The following WEE1 variants were observed in gnomAD, a reference collection of about 807,000 sequenced individuals.
WEE1 encodes the protein wee1-like protein kinase.
Under a neutral mutation model 68.8 loss-of-function variants are expected in WEE1, and 16 were observed. The ratio of observed to expected loss-of-function variants is 0.23; its 90% confidence interval spans 0.16 to 0.35. The LOEUF is 0.35. Among genes scored for constraint, WEE1 ranks in the 10% least tolerant of loss-of-function variants. The probability of loss-of-function intolerance (pLI) is 1.00; values close to 1 mark genes in which losing one functional copy is unlikely to be tolerated. For synonymous variants in WEE1, 349 were observed against 318.7 expected (o/e 1.09, Z -1.01); for missense variants, 651 against 824.1 (o/e 0.79, Z 2.57).
At chr11:9,588,139 C>T (rs1156872710) in intron 10 of WEE1, among the ~76,000 whole-genome samples, 2 of 152,012 alleles carry the variant, frequency 1.3e-5, no homozygotes, top group Non-Finnish European at 2.9e-5. Context: ...CTCAGCTTCC[C>T]GAGTAGCTGA....
chr11:9,582,613 C>T (rs983365539), intron 6 of WEE1, among the ~76,000 whole-genome samples: 1 of 152,174 alleles, frequency 6.6e-6, no homozygotes, highest in Non-Finnish European at 1.5e-5. Context: ...GTTGCCCAGG[C>T]TGGAGTGCAG....
chr11:9,577,283 T>C lies in WEE1; in HGVS notation c.1141+20T>C, dbSNP rs1420039617. 1 of 1,602,902 alleles carries C rather than the reference T, an allele frequency of 6.2e-7. No homozygotes were observed. Among genetic ancestry groups the C allele is most frequent in the East Asian group, 2.2e-5 (1 of 44,722 alleles). On this transcript the variant is annotated intron_variant, in intron 5 of 10. Transcript: ENST00000450114. ...GTAATGGTGAGTGATGTAATGGTTT[T>C]CTTGTGAGCTTGAGAAAATGAACAT...
At chr11:9,577,737 C>T (rs1038624005) in intron 5 of WEE1, 5 of 346,382 alleles carry the variant, frequency 1.4e-5, no homozygotes, top group Admixed American at 8.2e-5. Flanking sequence ...CCTACTCCCA[C>T]GTATCCAACC....
Position 9,586,434 on chromosome 11 carries a change from G to T in WEE1, c.1471-15G>T. On this transcript the variant is annotated splice_polypyrimidine_tract_variant and intron_variant, in intron 8 of 10. Transcript: ENST00000450114. ...CATGTTTACATTCCTTTAAAAAATT[G>T]TTTTAATTTTACAGAATTATACCCA... 6.3e-7 allele frequency: 1 copy of T among 1,597,132 alleles called. No individual in the cohort carries two copies. Among genetic ancestry groups the T allele is most frequent in the Non-Finnish European group, 8.5e-7 (1 of 1,171,430 alleles).
intron 1 of WEE1, chr11:9,575,074 T>C: frequency 1.0e-6 from 1 of 985,580 alleles, no homozygotes; most frequent in East Asian, 1.1e-4. Context: ...TTTACAGTCC[T>C]ACAGACTCAT....
intron 10 of WEE1, 37 bp from the exon 11 acceptor site, chr11:9,588,412 C>T (rs1212726688): frequency 1.4e-6 from 2 of 1,441,612 alleles, no homozygotes; most frequent in Non-Finnish European, 1.9e-6. Context: ...AGAATCTCTT[C>T]CTAGGAATAA....
intron 5 of WEE1, chr11:9,578,199 G>C (rs1449518439): frequency 4.2e-6 from 1 of 237,680 alleles, no homozygotes; most frequent in African/African-American, 2.3e-5. Context: ...TTAGAGTTTA[G>C]TGAACACTTG....
chr11:9,585,615 A>C, intron 8 of WEE1, 88 bp downstream of exon 8: 1 of 1,076,294 alleles, frequency 9.3e-7, no homozygotes, highest in Non-Finnish European at 1.3e-6. Flanking sequence ...TTAAACTTTG[A>C]AGTTAACTAA....
intron 5 of WEE1, 70 bp downstream of exon 5, chr11:9,577,333 A>C: frequency 6.5e-7 from 1 of 1,545,906 alleles, no homozygotes; most frequent in Non-Finnish European, 8.8e-7. Context: ...TGGTTATCTA[A>C]AATCTTGCTC....
chr11:9,583,783 A>G (rs1250766837), intron 6 of WEE1, among the ~76,000 whole-genome samples: 1 of 32,498 alleles, frequency 3.1e-5, no homozygotes, highest in Admixed American at 2.5e-4. Context: ...ACACACACAC[A>G]CACACACACA....
Position 9,585,540 on chromosome 11 carries a change from C to T in WEE1, c.1470+13C>T. On this transcript the variant is annotated intron_variant, in intron 8 of 10. Transcript: ENST00000450114. The stretch of plus-strand genomic sequence containing the variant: ...AGTTTTACAGGAGGTAATTTTTCTT[C>T]TCCCTTAATCATAGTTTGCTTTGTA... 7 of 1,561,780 alleles carry T rather than the reference C, an allele frequency of 4.5e-6. No homozygotes were observed. Among genetic ancestry groups the T allele is most frequent in the Non-Finnish European group, 6.0e-6 (7 of 1,161,004 alleles).
chr11:9,589,638 G>GA lies in WEE1; in HGVS notation c.*1043dup. On this transcript the variant is annotated 3_prime_UTR_variant, in exon 11 of 11. Transcript: ENST00000450114. ...CTAATAATACTGGCTAACAGATGTT[G>GA]AAAAAAATTGTCTGTTTGTTTTCTC... 1 of 977,762 alleles carries GA rather than the reference G, an allele frequency of 1.0e-6. No individual in the cohort carries two copies. The highest frequency in any genetic ancestry group is 1.2e-6 in the Non-Finnish European group (1 of 827,098). 60.6% of individuals were successfully genotyped at this position (977,762 alleles called of 1,614,324 possible).
chr11:9,585,590 A>G, intron 8 of WEE1, 63 bp downstream of exon 8: 22 of 1,261,132 alleles, frequency 1.7e-5, no homozygotes, highest in Non-Finnish European at 2.3e-5. Context: ...ATAGAAGAAT[A>G]TAAATTCAGA....
rs117887412 is a variant in WEE1, at chr11:9,584,755, T to G, written c.1289-503T>G. On this transcript the variant is annotated intron_variant, in intron 6 of 10. Transcript: ENST00000450114. Reference sequence around the variant, plus strand: ...GACAAGGGCCTCATCCAGTTTAAAGTGTTTAGGATCAGTGCTAGGCTGGAA... The same window carrying G: ...GACAAGGGCCTCATCCAGTTTAAAGGGTTTAGGATCAGTGCTAGGCTGGAA... 5.1e-3 allele frequency among the ~76,000 whole-genome samples: 770 copies of G among 152,202 alleles called. 15 individuals carry two copies. In the South Asian group the frequency reaches 0.063, roughly 12 times the overall value.
chr11:9,585,181 A>G (rs1007530343), intron 6 of WEE1, 77 bp from the exon 7 acceptor site: 2 of 1,130,044 alleles, frequency 1.8e-6, no homozygotes, highest in Non-Finnish European at 2.6e-6. Flanking sequence ...ATTATGGATG[A>G]TTCTGGTATA....
Position 9,586,517 on chromosome 11 carries a change from T to C in WEE1, c.1539T>C (p.Ala513=), listed in dbSNP as rs754352353. ...LALTVVCAAG[A]EPLPRNGDQW... The stretch of plus-strand genomic sequence containing the variant: ...TCACAGTGGTATGTGCTGCTGGTGC[T>C]GAACCTCTTCCGAGAAATGGAGATC... Residue 513 remains alanine, a synonymous_variant, in exon 9 of 11, where the codon GCT becomes GCC. Transcript: ENST00000450114. 2 of 1,614,172 alleles carry C rather than the reference T, an allele frequency of 1.2e-6. No individual in the cohort carries two copies. Among genetic ancestry groups the C allele is most frequent in the Admixed American group, 3.3e-5 (2 of 60,020 alleles).
rs762765834 is a variant in WEE1 at position 9,574,467 on chromosome 11, C to T, written c.534C>T (p.Thr178=). 25 of 1,260,404 alleles carry T rather than the reference C, an allele frequency of 2.0e-5. No individual in the cohort carries two copies. The highest frequency in any genetic ancestry group is 2.2e-5 in the Non-Finnish European group (22 of 1,003,952). The allele number at this position is 1,260,404 out of a possible 1,614,324, so 78.1% of individuals were successfully genotyped here. A position where few individuals can be genotyped will look rare whatever the true frequency, so the allele number is the denominator to read the frequency against. ...ACCCGGGCACCCCGCCACACAAGAC[C>T]TTCCGCAAGCTGCGACTCTTCGACA... ...PDHPGTPPHK[T]FRKLRLFDTP... The change falls in exon 1 of 11, where the codon ACC becomes ACT. Residue 178 remains threonine (T), a synonymous_variant. Transcript: ENST00000450114. This position sits in a 1 kb window ranked among gnomAD's most constrained non-coding sequence, Gnocchi z 4.9.
At chr11:9,585,411 C>T (rs755011027) in intron 7 of WEE1, 31 bp from the exon 8 acceptor site, 2 of 1,607,754 alleles carry the variant, frequency 1.2e-6, no homozygotes, top group Admixed American at 1.7e-5. Context: ...TTTGTTTTTG[C>T]TCTTCACTGT....
At chr11:9,579,573 T>C (rs543460822) in intron 5 of WEE1, 8 of 152,196 alleles carry the variant, frequency 5.3e-5, no homozygotes, top group South Asian at 2.1e-4. Flanking sequence ...TCAGAACCTG[T>C]TTTGCTCTCA....
Sources: gnomAD v4.1 joint callset for allele counts (sites outside exome capture counted in the v4.1 genomes callset) on GRCh38, gnomAD v4.1.1 for gene constraint, Gnocchi (gnomAD v3.1) non-coding constraint, MANE v1.5 for transcripts, NCBI Gene and HGNC (gene_info 2026-07-23, HGNC 2026-07-21) for gene names.